The following FYN variants were observed in gnomAD, a reference collection of about 807,000 sequenced individuals.
The protein encoded by FYN is FYN proto-oncogene, Src family tyrosine kinase.
A neutral mutation model predicts 70.2 loss-of-function variants in FYN; 10 were observed. The observed-to-expected ratio is 0.14, with a 90% CI of 0.09 to 0.24. The LOEUF is 0.24. FYN is among the 10% of genes least tolerant of loss of function. The pLI is 1.00. For synonymous variants in FYN, 236 were observed against 248.6 expected (o/e 0.95, Z 0.48); for missense variants, 319 against 673.1 (o/e 0.47, Z 5.82).
intron 2 of FYN, among the ~76,000 whole-genome samples, chr6:111,831,852 A>G (rs1773026813): frequency 6.6e-6 from 1 of 152,210 alleles, no homozygotes; most frequent in Non-Finnish European, 1.5e-5. Context: ...AATTCATTAC[A>G]TACATCCTCC....
intron 1 of FYN, among the ~76,000 whole-genome samples, chr6:111,871,566 C>G (rs780210784): frequency 7.2e-5 from 11 of 152,192 alleles, no homozygotes; most frequent in Non-Finnish European, 1.5e-4. Context: ...ACTGGGCAGA[C>G]AGGATTTCAT....
chr6:111,672,131 C>G (rs540612662), intron 13 of FYN, among the ~76,000 whole-genome samples: 1 of 152,308 alleles, frequency 6.6e-6, no homozygotes, highest in South Asian at 2.1e-4. Flanking sequence ...CAGGTGTGCC[C>G]CTGCACATGG....
At chr6:111,725,707 A>G (rs1259848126) in intron 3 of FYN, among the ~76,000 whole-genome samples, 4 of 152,252 alleles carry the variant, frequency 2.6e-5, no homozygotes, top group Admixed American at 2.6e-4. Context: ...AATGTGGGAA[A>G]GTCCTCTCTT....
At chr6:111,679,812 T>C (rs1798709847) in intron 12 of FYN, among the ~76,000 whole-genome samples, 1 of 151,736 alleles carries the variant, frequency 6.6e-6, no homozygotes, top group Non-Finnish European at 1.5e-5. Flanking sequence ...TGGGTCGGAG[T>C]GAATGTATCT....
intron 2 of FYN, among the ~76,000 whole-genome samples, chr6:111,845,992 T>C (rs1429705742): frequency 1.3e-5 from 2 of 152,204 alleles, no homozygotes; most frequent in African/African-American, 4.8e-5. Context: ...TGCACAGCTC[T>C]CAGATTGTAC....
rs114014422 is a variant in FYN at position 111,861,081 on chromosome 6, T to C, written c.-123+11887A>G. Among the ~76,000 whole-genome samples, 226 of 152,324 alleles carry C rather than the reference T, an allele frequency of 1.5e-3. 2 individuals carry two copies. The highest frequency in any genetic ancestry group is 5.3e-3 in the African/African-American group (221 of 41,574). On this transcript the variant is annotated intron_variant, in intron 1 of 13. Transcript: ENST00000354650. The stretch of plus-strand genomic sequence containing the variant: ...GGATCCATCAGTGCAGAGGACCCAA[T>C]GTATCACCTGCATGAAGAAAAGTTA...
chr6:111,857,372 A>G (rs1004317008), intron 1 of FYN, among the ~76,000 whole-genome samples: 3 of 152,148 alleles, frequency 2.0e-5, no homozygotes, highest in African/African-American at 7.2e-5. Context: ...CTAGCTAAAC[A>G]AGGGGAAGCC....
chr6:111,673,307 T>C (rs190513352), intron 13 of FYN, among the ~76,000 whole-genome samples: 22 of 152,216 alleles, frequency 1.4e-4, no homozygotes, highest in African/African-American at 4.6e-4. Context: ...GCAGCATCAA[T>C]AAAACTGACT....
intron 13 of FYN, among the ~76,000 whole-genome samples, chr6:111,662,219 G>A (rs1794841): frequency 0.036 from 5,543 of 152,278 alleles, 343 homozygotes; most frequent in African/African-American, 0.12. Context: ...TCATTCATGC[G>A]AAATTCTAGA....
intron 13 of FYN, 146 bp downstream of exon 13, chr6:111,674,353 C>G (rs750954782): frequency 8.2e-6 from 7 of 848,644 alleles, no homozygotes; most frequent in Middle Eastern, 3.2e-4. Flanking sequence ...GCTTTTCTCT[C>G]GCTGAATACC....
intron 1 of FYN, among the ~76,000 whole-genome samples, chr6:111,857,169 T>C (rs1369102498): frequency 1.3e-5 from 2 of 152,238 alleles, no homozygotes; most frequent in African/African-American, 4.8e-5. Context: ...CATTTCCCCT[T>C]GTATTTAGAG....
chr6:111,827,779 C>T (rs1336609580), intron 2 of FYN, among the ~76,000 whole-genome samples: 2 of 152,144 alleles, frequency 1.3e-5, no homozygotes, highest in Non-Finnish European at 2.9e-5. Context: ...TGAGTCAACA[C>T]AACAAGCCCT....
intron 2 of FYN, among the ~76,000 whole-genome samples, chr6:111,800,991 C>T (rs1189254211): frequency 6.6e-6 from 1 of 152,248 alleles, no homozygotes; most frequent in Non-Finnish European, 1.5e-5. Flanking sequence ...TCACCTTACA[C>T]TTCCTTACAT....
intron 12 of FYN, among the ~76,000 whole-genome samples, chr6:111,688,115 AC>A (rs1210812962): frequency 6.6e-6 from 1 of 152,238 alleles, no homozygotes; most frequent in Non-Finnish European, 1.5e-5. Context: ...AGTGAATAAT[AC>A]CAACAACTTC....
Position 111,704,471 on chromosome 6 carries a change from AG to A in FYN, c.444-370del, listed in dbSNP as rs368170546. On this transcript the variant is annotated intron_variant, in intron 6 of 13. Transcript: ENST00000354650. ...TTTCCACACTTATCTAAAAGACTCT[AG>A]TCTGGGCATGGTGGCTCATACCTGT... is the stretch of plus-strand genomic sequence containing the variant. Among the ~76,000 whole-genome samples the A allele has an allele frequency of 1.8e-3, 273 of 152,306 alleles. 2 individuals carry two copies. Among genetic ancestry groups the A allele is most frequent in the African/African-American group, 6.4e-3 (265 of 41,560 alleles).
intron 2 of FYN, among the ~76,000 whole-genome samples, chr6:111,820,348 T>C (rs999991062): frequency 6.6e-6 from 1 of 152,148 alleles, no homozygotes; most frequent in African/African-American, 2.4e-5. Context: ...TACACACCCA[T>C]TCAAAATATA....
chr6:111,671,417 C>T (rs1034802835), intron 13 of FYN, among the ~76,000 whole-genome samples: 5 of 151,974 alleles, frequency 3.3e-5, no homozygotes, highest in Admixed American at 2.6e-4. Flanking sequence ...TTATATGTCA[C>T]CCCCTCCTCC....
intron 4 of FYN, among the ~76,000 whole-genome samples, chr6:111,716,675 A>C (rs1455784579): frequency 6.6e-6 from 1 of 152,088 alleles, no homozygotes; most frequent in Non-Finnish European, 1.5e-5. Context: ...TTAGTTAAAC[A>C]TCATATAGTA....
At chr6:111,802,153 ATGTCCCACTTGG>A (rs1363203267) in intron 2 of FYN, among the ~76,000 whole-genome samples, 1 of 152,098 alleles carries the variant, frequency 6.6e-6, no homozygotes, top group Non-Finnish European at 1.5e-5. Flanking sequence ...ATGGGGGCAG[ATGTCCCACTTGG>A]TGCTGCCCTC....
Sources: gnomAD v4.1 joint callset for allele counts (sites outside exome capture counted in the v4.1 genomes callset) on GRCh38, gnomAD v4.1.1 for gene constraint, MANE v1.5 for transcripts, NCBI Gene and HGNC (gene_info 2026-07-23, HGNC 2026-07-21) for gene names.